HHAT: variants seen among roughly 807,000 people sequenced by gnomAD.
The protein encoded by HHAT is hedgehog acyltransferase, also known as protein-cysteine N-palmitoyltransferase HHAT.
Under a neutral mutation model 70.8 loss-of-function variants are expected in HHAT, and 47 were observed. The ratio of observed to expected loss-of-function variants is 0.66; its 90% CI spans 0.53 to 0.85. The LOEUF is 0.85. HHAT is among the 40% of genes least tolerant of loss of function. The pLI, the probability that HHAT is intolerant of heterozygous loss-of-function variation, is 0.00. For synonymous variants in HHAT, 228 were observed against 247.6 expected (o/e 0.92, Z 0.74); for missense variants, 609 against 604.8 (o/e 1.01, Z -0.07).
Position 210,328,948 on chromosome 1 carries a change from C to A in HHAT, c.-200C>A. On this transcript the variant is annotated 5_prime_UTR_variant, in exon 1 of 12. Coordinates refer to ENST00000261458, the MANE Select transcript of HHAT (RefSeq NM_018194.6). ...CTCGGAGGACGCGCGCTGCGCTGCT[C>A]CTCCAAAGGGCAGCTCCGGGGGAAA... The A allele has an allele frequency of 8.4e-7, 1 of 1,197,570 alleles. No individual in the cohort carries two copies. Among genetic ancestry groups the A allele is most frequent in the South Asian group, 2.6e-5 (1 of 37,786 alleles). 74.2% of individuals were successfully genotyped at this position (1,197,570 alleles called of 1,614,324 possible). A position where few individuals can be genotyped will look rare whatever the true frequency, so the allele number is the denominator to read the frequency against.
chr1:210,614,018 C>CAAAAAAAAA (rs55874321), intron 10 of HHAT, among the ~76,000 whole-genome samples: 92 of 111,552 alleles, frequency 8.2e-4, no homozygotes, highest in African/African-American at 2.9e-3. Context: ...GACCCTGCCT[C>CAAAAAAAAA]AAAAAAAAAA....
chr1:210,566,266 T>A (rs1344613154), intron 9 of HHAT, among the ~76,000 whole-genome samples: 3 of 152,108 alleles, frequency 2.0e-5, no homozygotes, highest in African/African-American at 7.2e-5. Flanking sequence ...AACATTGTCT[T>A]TTTAGTGTTA....
chr1:210,546,364 C>T (rs115699447), intron 9 of HHAT, among the ~76,000 whole-genome samples: 2,770 of 152,292 alleles, frequency 0.018, 33 homozygotes, highest in Non-Finnish European at 0.026. Flanking sequence ...TTTCAGGGAA[C>T]GTGATCCAGG....
intron 8 of HHAT, among the ~76,000 whole-genome samples, chr1:210,509,108 A>G (rs556764018): frequency 4.6e-5 from 7 of 152,348 alleles, no homozygotes; most frequent in Non-Finnish European, 7.3e-5. Context: ...ACCACATGCA[A>G]TTACTTTTGC....
chr1:210,584,850 C>T lies in HHAT; in HGVS notation c.1044-3048C>T, dbSNP rs184808472. Reference sequence around the variant, plus strand: ...TGTTTCACAAGCAGGTTTGCCCATCCTTATAGCAAGAACAAAGTCATGTCT... The same window carrying T: ...TGTTTCACAAGCAGGTTTGCCCATCTTTATAGCAAGAACAAAGTCATGTCT... On this transcript the variant is annotated intron_variant, in intron 9 of 11. Coordinates refer to ENST00000261458, the MANE Select transcript of HHAT (RefSeq NM_018194.6). 1.3e-4 allele frequency among the ~76,000 whole-genome samples: 20 copies of T among 152,304 alleles called. 1 individual carries two copies. In the East Asian group the frequency reaches 3.9e-3, roughly 29 times the overall value.
chr1:210,450,570 A>T (rs1459153058), intron 7 of HHAT, among the ~76,000 whole-genome samples: 1 of 149,096 alleles, frequency 6.7e-6, no homozygotes, highest in African/African-American at 2.5e-5. Flanking sequence ...GAGCTACCGC[A>T]CCTGGCCATA....
chr1:210,430,352 G>A (rs762706491), intron 7 of HHAT, among the ~76,000 whole-genome samples: 1 of 151,780 alleles, frequency 6.6e-6, no homozygotes, highest in Non-Finnish European at 1.5e-5. Flanking sequence ...GCCAAGATCC[G>A]AGTCTGTCCA....
chr1:210,529,237 A>G (rs1349342853), intron 9 of HHAT, among the ~76,000 whole-genome samples: 1 of 151,272 alleles, frequency 6.6e-6, no homozygotes, highest in Non-Finnish European at 1.5e-5. Context: ...TCCAGGAGGT[A>G]GAGGTTGCAG....
intron 8 of HHAT, among the ~76,000 whole-genome samples, chr1:210,497,503 C>T (rs1245762011): frequency 6.6e-6 from 1 of 152,046 alleles, no homozygotes; most frequent in Non-Finnish European, 1.5e-5. Context: ...TAAAGTGAGC[C>T]CTACTAATTA....
intron 4 of HHAT, among the ~76,000 whole-genome samples, chr1:210,390,376 G>A (rs78699017): frequency 0.03 from 4,560 of 152,234 alleles, 233 homozygotes; most frequent in African/African-American, 0.098. Context: ...GACAAAGAGG[G>A]CTGCTGTTTA....
chr1:210,428,320 AT>A (rs1558497737), intron 7 of HHAT, among the ~76,000 whole-genome samples: 5 of 39,706 alleles, frequency 1.3e-4, no homozygotes, highest in Non-Finnish European at 1.7e-4. Flanking sequence ...ATATATATAT[AT>A]ATATATATAT....
At chr1:210,437,041 G>GGT (rs2093393949) in intron 7 of HHAT, among the ~76,000 whole-genome samples, 1 of 151,792 alleles carries the variant, frequency 6.6e-6, no homozygotes, top group African/African-American at 2.4e-5. Flanking sequence ...GTAATAGTGA[G>GGT]GTACCACTCC....
chr1:210,495,194 ATAAACTTTATATATAG>A (rs1276959136), intron 8 of HHAT, among the ~76,000 whole-genome samples: 1 of 151,742 alleles, frequency 6.6e-6, no homozygotes, highest in Non-Finnish European at 1.5e-5. Context: ...GTAATAGATT[ATAAACTTTATATATAG>A]TATAGAATAT....
At chr1:210,420,236 C>T (rs1465963003) in intron 7 of HHAT, among the ~76,000 whole-genome samples, 1 of 152,056 alleles carries the variant, frequency 6.6e-6, no homozygotes, top group Admixed American at 6.6e-5. Flanking sequence ...TGAATAGATT[C>T]ATGCTTGTTA....
intron 11 of HHAT, among the ~76,000 whole-genome samples, chr1:210,659,473 C>A (rs1410055891): frequency 3.3e-5 from 5 of 151,288 alleles, no homozygotes; most frequent in Admixed American, 6.6e-5. Flanking sequence ...CAGGACCAGA[C>A]AGATTCACCA....
intron 3 of HHAT, among the ~76,000 whole-genome samples, chr1:210,383,009 G>A (rs897893265): frequency 5.9e-5 from 9 of 152,132 alleles, no homozygotes; most frequent in Non-Finnish European, 8.8e-5. Flanking sequence ...TTTGTAACAC[G>A]GAGTTAGACA....
At chr1:210,464,228 G>A (rs1282393188) in intron 7 of HHAT, among the ~76,000 whole-genome samples, 4 of 151,692 alleles carry the variant, frequency 2.6e-5, no homozygotes, top group Non-Finnish European at 5.9e-5. Context: ...TTAATGCAAT[G>A]TACACATTTT....
chr1:210,361,083 G>A (rs1030007217), intron 2 of HHAT, among the ~76,000 whole-genome samples: 2 of 152,088 alleles, frequency 1.3e-5, no homozygotes, highest in Non-Finnish European at 2.9e-5. Flanking sequence ...AAAAAAAAGA[G>A]CTTAAGTTTT....
At chr1:210,665,591 A>G (rs938926683) in intron 11 of HHAT, among the ~76,000 whole-genome samples, 5 of 152,242 alleles carry the variant, frequency 3.3e-5, no homozygotes, top group Non-Finnish European at 7.3e-5. Context: ...GCCTCTAGCT[A>G]GAAAACTTGC....
Sources: gnomAD v4.1 joint callset for allele counts (sites outside exome capture counted in the v4.1 genomes callset) on GRCh38, gnomAD v4.1.1 for gene constraint, MANE v1.5 for transcripts, NCBI Gene and HGNC (gene_info 2026-07-23, HGNC 2026-07-21) for gene names.